Variants in KCNIP4 observed in about 807,000 individuals in gnomAD.
The protein encoded by KCNIP4 is potassium voltage-gated channel interacting protein 4.
A neutral mutation model predicts 34.0 loss-of-function variants in KCNIP4; 12 were observed. The observed-to-expected ratio is 0.35, with a 90% CI of 0.23 to 0.57. KCNIP4 has a LOEUF of 0.57. KCNIP4 is among the 20% of genes least tolerant of loss of function. The pLI, the probability that KCNIP4 is intolerant of heterozygous loss-of-function variation, is 0.83. For missense variants in KCNIP4, 238 were observed against 311.7 expected (o/e 0.76, Z 1.78); for synonymous variants, 124 against 102.2 (o/e 1.21, Z -1.29).
At chr4:21,033,133 A>T (rs1489671410) in intron 1 of KCNIP4, among the ~76,000 whole-genome samples, 1 of 152,216 alleles carries the variant, frequency 6.6e-6, no homozygotes, top group Non-Finnish European at 1.5e-5. Flanking sequence ...AAACCACTGG[A>T]CAACTGAGAT....
At chr4:21,661,145 C>T (rs113744431) in intron 1 of KCNIP4, among the ~76,000 whole-genome samples, 1,697 of 152,198 alleles carry the variant, frequency 0.011, 38 homozygotes, top group African/African-American at 0.038. Flanking sequence ...ACATCAGCCA[C>T]GGGACGGCTG....
chr4:20,971,226 C>T (rs1734919088), intron 1 of KCNIP4, among the ~76,000 whole-genome samples: 1 of 152,136 alleles, frequency 6.6e-6, no homozygotes, highest in Non-Finnish European at 1.5e-5. Flanking sequence ...ATAGAAGTTT[C>T]AGAGCCAGAG....
chr4:21,233,769 A>G (rs538672573), intron 1 of KCNIP4, among the ~76,000 whole-genome samples: 151 of 147,430 alleles, frequency 1.0e-3, no homozygotes, highest in African/African-American at 3.6e-3. Context: ...CCTTCAAAAT[A>G]TTTTTATTAC....
intron 1 of KCNIP4, among the ~76,000 whole-genome samples, chr4:20,949,374 G>T (rs964002828): frequency 6.6e-6 from 1 of 152,166 alleles, no homozygotes; most frequent in Non-Finnish European, 1.5e-5. Flanking sequence ...CAGACTTTCT[G>T]CCTACAAGCT....
At chr4:21,589,995 G>T (rs1467473980) in intron 1 of KCNIP4, among the ~76,000 whole-genome samples, 1 of 151,914 alleles carries the variant, frequency 6.6e-6, no homozygotes, top group Admixed American at 6.6e-5. Flanking sequence ...TTTGGAAGGA[G>T]CAACTAGAAT....
chr4:20,792,918 C>T (rs1017549681), intron 3 of KCNIP4, among the ~76,000 whole-genome samples: 3 of 152,048 alleles, frequency 2.0e-5, no homozygotes, highest in African/African-American at 7.2e-5. Flanking sequence ...TGAAATAACC[C>T]AAATGTTGTT....
intron 1 of KCNIP4, among the ~76,000 whole-genome samples, chr4:21,603,407 G>T (rs1046443849): frequency 6.6e-6 from 1 of 152,142 alleles, no homozygotes; most frequent in Non-Finnish European, 1.5e-5. Context: ...AAGAAAGGAT[G>T]AAGGGAAGGA....
At chr4:21,638,516 T>C (rs1746387371) in intron 1 of KCNIP4, among the ~76,000 whole-genome samples, 1 of 152,162 alleles carries the variant, frequency 6.6e-6, no homozygotes, top group South Asian at 2.1e-4. Context: ...ATCATAGTGG[T>C]GGGAGCTCTA....
rs187345386 is a variant in KCNIP4 at position 21,390,022 on chromosome 4, T to C, written c.62-507313A>G. 7.6e-5 allele frequency among the ~76,000 whole-genome samples: 11 copies of C among 144,310 alleles called. No individual in the cohort carries two copies. The East Asian group carries it at 1.8e-3, about 24-fold the overall frequency. The allele number at this position is 144,310 out of a possible 152,430, so 94.7% of individuals were successfully genotyped here. Reference sequence around the variant, plus strand: ...ACTACTGTGAGATGGTATCTCATTGTGGTTTTGATTTGCATTTCTCTGATG... The same window carrying C: ...ACTACTGTGAGATGGTATCTCATTGCGGTTTTGATTTGCATTTCTCTGATG... On this transcript the variant is annotated intron_variant, in intron 1 of 8. Coordinates refer to ENST00000382152, the MANE Select transcript of KCNIP4 (RefSeq NM_025221.6).
At chr4:21,377,786 T>C (rs1044782784) in intron 1 of KCNIP4, among the ~76,000 whole-genome samples, 4 of 152,212 alleles carry the variant, frequency 2.6e-5, no homozygotes, top group African/African-American at 7.2e-5. Context: ...CAACATATTA[T>C]AGTTCCTCTG....
At chr4:21,225,028 G>T (rs553118814) in intron 1 of KCNIP4, among the ~76,000 whole-genome samples, 1 of 152,280 alleles carries the variant, frequency 6.6e-6, no homozygotes, top group South Asian at 2.1e-4. Context: ...GTGGGCTACT[G>T]TAAGTGTTCT....
chr4:21,830,301 T>C (rs944248992), intron 1 of KCNIP4, among the ~76,000 whole-genome samples: 6 of 152,236 alleles, frequency 3.9e-5, no homozygotes, highest in East Asian at 3.9e-4. Flanking sequence ...CAATTATATA[T>C]ATGTACCCAA....
At chr4:21,116,788 G>A (rs1749712772) in intron 1 of KCNIP4, among the ~76,000 whole-genome samples, 1 of 152,124 alleles carries the variant, frequency 6.6e-6, no homozygotes, top group Non-Finnish European at 1.5e-5. Flanking sequence ...AACAATCGAT[G>A]CCTTCCATGA....
chr4:21,409,591 A>T (rs1052930087), intron 1 of KCNIP4, among the ~76,000 whole-genome samples: 1 of 152,224 alleles, frequency 6.6e-6, no homozygotes, highest in African/African-American at 2.4e-5. Context: ...TATATTGAAG[A>T]CATGTTGAAA....
chr4:21,304,377 G>A (rs1249203684), intron 1 of KCNIP4, among the ~76,000 whole-genome samples: 2 of 152,160 alleles, frequency 1.3e-5, no homozygotes, highest in African/African-American at 4.8e-5. Context: ...GGAAACATGA[G>A]GCCCGGCGCG....
intron 1 of KCNIP4, among the ~76,000 whole-genome samples, chr4:21,574,122 T>C (rs1469871743): frequency 6.6e-6 from 1 of 152,040 alleles, no homozygotes; most frequent in African/African-American, 2.4e-5. Flanking sequence ...TGAGTCATGG[T>C]TTATGGGCAG....
intron 1 of KCNIP4, among the ~76,000 whole-genome samples, chr4:21,331,648 A>T (rs1189293641): frequency 1.1e-5 from 1 of 90,464 alleles, no homozygotes; most frequent in Non-Finnish European, 2.2e-5. Flanking sequence ...TGAATTCAAT[A>T]ATCAATATCG....
chr4:21,173,360 G>A (rs1018213498), intron 1 of KCNIP4, among the ~76,000 whole-genome samples: 5 of 152,108 alleles, frequency 3.3e-5, no homozygotes, highest in Middle Eastern at 3.2e-3. Context: ...TGCATATCAC[G>A]TGAGTAGTAA....
chr4:21,785,442 A>G (rs28448822), intron 1 of KCNIP4, among the ~76,000 whole-genome samples: 1 of 151,736 alleles, frequency 6.6e-6, no homozygotes, highest in Non-Finnish European at 1.5e-5. Flanking sequence ...AATACAAAAA[A>G]TTAGCCAGGT....
Sources: gnomAD v4.1 joint callset for allele counts (sites outside exome capture counted in the v4.1 genomes callset) on GRCh38, gnomAD v4.1.1 for gene constraint, MANE v1.5 for transcripts, NCBI Gene and HGNC (gene_info 2026-07-23, HGNC 2026-07-21) for gene names.